Variants in SH3GL2 observed in about 807,000 individuals in gnomAD.
The protein encoded by SH3GL2 is endophilin-A1.
In SH3GL2, 24 loss-of-function variants were observed where a neutral mutation model predicts 46.0. That is an observed-to-expected ratio of 0.52 (90% CI 0.38 to 0.73). The LOEUF is 0.73. SH3GL2 is among the 30% of genes least tolerant of loss of function. The pLI, the probability that SH3GL2 is intolerant of heterozygous loss-of-function variation, is 0.00. For missense variants in SH3GL2, 413 were observed against 424.2 expected (o/e 0.97, Z 0.23); for synonymous variants, 196 against 147.1 (o/e 1.33, Z -2.40).
At chr9:17,583,220 A>G (rs1279803164) in intron 1 of SH3GL2, among the ~76,000 whole-genome samples, 2 of 152,162 alleles carry the variant, frequency 1.3e-5, no homozygotes, top group Non-Finnish European at 2.9e-5. Flanking sequence ...CATCAAAAAG[A>G]TATACTTTCT....
At chr9:17,734,534 C>G (rs529683491) in intron 1 of SH3GL2, among the ~76,000 whole-genome samples, 4 of 152,102 alleles carry the variant, frequency 2.6e-5, no homozygotes, top group Admixed American at 6.6e-5. Context: ...CAGTTTTCAA[C>G]CTAGTAAGTA....
intron 1 of SH3GL2, among the ~76,000 whole-genome samples, chr9:17,594,377 A>G (rs1275777639): frequency 6.6e-6 from 1 of 151,200 alleles, no homozygotes. Flanking sequence ...TATCAGCTTC[A>G]TATTTTCTCA....
At chr9:17,732,762 C>A (rs558210117) in intron 1 of SH3GL2, among the ~76,000 whole-genome samples, 4 of 152,182 alleles carry the variant, frequency 2.6e-5, no homozygotes, top group Admixed American at 6.6e-5. Context: ...AATTCTTGTT[C>A]ATTTCCAAGA....
intron 2 of SH3GL2, among the ~76,000 whole-genome samples, chr9:17,751,606 C>G (rs540771131): frequency 7.2e-5 from 11 of 152,200 alleles, no homozygotes; most frequent in African/African-American, 2.6e-4. Context: ...TGCTAGTTCC[C>G]TCCCATCATG....
intron 1 of SH3GL2, among the ~76,000 whole-genome samples, chr9:17,635,154 A>G (rs574006339): frequency 9.2e-5 from 14 of 152,156 alleles, no homozygotes; most frequent in Non-Finnish European, 1.3e-4. Flanking sequence ...CCACCCTCCT[A>G]TAGGCCCCAG....
chr9:17,760,686 C>T (rs1823144289), intron 2 of SH3GL2, among the ~76,000 whole-genome samples: 1 of 152,078 alleles, frequency 6.6e-6, no homozygotes, highest in Admixed American at 6.6e-5. Flanking sequence ...TAGGAGGATG[C>T]ATTTATTCTC....
At chr9:17,762,085 C>T (rs1285989633) in intron 3 of SH3GL2, among the ~76,000 whole-genome samples, 3 of 152,032 alleles carry the variant, frequency 2.0e-5, no homozygotes, top group Non-Finnish European at 2.9e-5. Flanking sequence ...ATAAGAGGAC[C>T]AGGCAGAGTT....
chr9:17,786,965 T>A (rs960589536), intron 4 of SH3GL2, among the ~76,000 whole-genome samples: 11 of 152,204 alleles, frequency 7.2e-5, no homozygotes, highest in African/African-American at 2.2e-4. Flanking sequence ...TCCTTCACCC[T>A]GTCTCCCCCA....
chr9:17,608,788 G>A (rs1818807281), intron 1 of SH3GL2, among the ~76,000 whole-genome samples: 1 of 152,166 alleles, frequency 6.6e-6, no homozygotes, highest in African/African-American at 2.4e-5. Context: ...AAATTAGGTA[G>A]GGGGAACATG....
chr9:17,583,500 C>G (rs183843715), intron 1 of SH3GL2, among the ~76,000 whole-genome samples: 1 of 152,318 alleles, frequency 6.6e-6, no homozygotes, highest in South Asian at 2.1e-4. Flanking sequence ...TAGCCAGGCA[C>G]AAATCTGTTA....
At chr9:17,696,599 A>G (rs553364812) in intron 1 of SH3GL2, among the ~76,000 whole-genome samples, 17 of 152,288 alleles carry the variant, frequency 1.1e-4, no homozygotes, top group East Asian at 9.7e-4. Context: ...AGTGCCGAGC[A>G]AAGGGGGAAA....
chr9:17,703,475 A>C (rs1389767497), intron 1 of SH3GL2, among the ~76,000 whole-genome samples: 1 of 151,966 alleles, frequency 6.6e-6, no homozygotes, highest in African/African-American at 2.4e-5. Context: ...CTGATACCAA[A>C]ACCTGGCAGA....
intron 1 of SH3GL2, among the ~76,000 whole-genome samples, chr9:17,727,289 C>G (rs999108217): frequency 7.9e-5 from 12 of 152,180 alleles, no homozygotes; most frequent in African/African-American, 2.9e-4. Context: ...GATACCATAG[C>G]ACAGGTGTCA....
chr9:17,788,357 T>C (rs568864594), intron 5 of SH3GL2, among the ~76,000 whole-genome samples: 23 of 152,224 alleles, frequency 1.5e-4, no homozygotes, highest in Admixed American at 3.9e-4. Flanking sequence ...AGCATTTAGT[T>C]TTTGGATCAG....
chr9:17,745,552 C>A (rs1396948018), intron 1 of SH3GL2, among the ~76,000 whole-genome samples: 1 of 152,114 alleles, frequency 6.6e-6, no homozygotes, highest in African/African-American at 2.4e-5. Flanking sequence ...GAATGGGTGA[C>A]ATCTGGTATG....
chr9:17,728,158 C>A (rs900369114), intron 1 of SH3GL2, among the ~76,000 whole-genome samples: 1 of 152,134 alleles, frequency 6.6e-6, no homozygotes, highest in African/African-American at 2.4e-5. Flanking sequence ...CTATGCGAAT[C>A]TAGTCTTCCT....
At chr9:17,750,616 A>AAC (rs1199041972) in intron 2 of SH3GL2, among the ~76,000 whole-genome samples, 2 of 152,142 alleles carry the variant, frequency 1.3e-5, no homozygotes, top group African/African-American at 4.8e-5. Flanking sequence ...TGTTGCTTAC[A>AAC]AGCTTTGTTA....
intron 1 of SH3GL2, among the ~76,000 whole-genome samples, chr9:17,729,609 C>T (rs1274380206): frequency 6.6e-6 from 1 of 152,186 alleles, no homozygotes; most frequent in Non-Finnish European, 1.5e-5. Flanking sequence ...ACGTTTAAAT[C>T]TTTAATCCAT....
chr9:17,768,153 C>T (rs752074879), intron 3 of SH3GL2, among the ~76,000 whole-genome samples: 1 of 151,932 alleles, frequency 6.6e-6, no homozygotes, highest in Admixed American at 6.6e-5. Context: ...GGGCGGATCA[C>T]GAGATCAGGG....
Sources: allele counts gnomAD v4.1 joint callset (sites outside exome capture counted in the v4.1 genomes callset), GRCh38; gene constraint gnomAD v4.1.1; transcripts MANE v1.5; gene names NCBI Gene and HGNC (gene_info 2026-07-23, HGNC 2026-07-21).